The following PDE4D variants were observed in gnomAD, a reference collection of about 807,000 sequenced individuals.
The protein encoded by PDE4D is 3',5'-cyclic-AMP phosphodiesterase 4D.
A neutral mutation model predicts 87.4 loss-of-function variants in PDE4D; 24 were observed. That is an observed-to-expected ratio of 0.27 (90% CI 0.20 to 0.39). The LOEUF (loss-of-function observed/expected upper bound fraction) is 0.39. PDE4D is among the 10% of genes least tolerant of loss of function. The pLI is 1.00. For missense variants in PDE4D, 714 were observed against 1,041.0 expected (o/e 0.69, Z 4.32); for synonymous variants, 384 against 383.2 (o/e 1.00, Z -0.02).
chr5:59,356,442 A>G (rs1781385375), intron 1 of PDE4D, among the ~76,000 whole-genome samples: 1 of 152,128 alleles, frequency 6.6e-6, no homozygotes, highest in Non-Finnish European at 1.5e-5. Context: ...CTTCCCTAAC[A>G]TTTAGAGTTG....
chr5:59,123,340 A>G (rs367630942), intron 5 of PDE4D, among the ~76,000 whole-genome samples: 24 of 152,222 alleles, frequency 1.6e-4, no homozygotes, highest in Middle Eastern at 6.8e-3. Flanking sequence ...TTAATTTTCT[A>G]TCAGCAGACC....
chr5:59,583,335 C>G (rs373687286), intron 1 of PDE4D, among the ~76,000 whole-genome samples: 2 of 152,148 alleles, frequency 1.3e-5, no homozygotes, highest in East Asian at 3.8e-4. Flanking sequence ...TCCTAGAAAG[C>G]TGACTTGCAT....
chr5:60,008,557 C>A (rs1263248738), intron 2 of PDE4D, among the ~76,000 whole-genome samples: 1 of 152,024 alleles, frequency 6.6e-6, no homozygotes, highest in African/African-American at 2.4e-5. Flanking sequence ...TACACTACTT[C>A]TCAAAGTTCT....
At chr5:59,632,030 G>A (rs762859936) in intron 1 of PDE4D, among the ~76,000 whole-genome samples, 2 of 152,166 alleles carry the variant, frequency 1.3e-5, no homozygotes, top group Non-Finnish European at 2.9e-5. Context: ...GCCTGAAGTC[G>A]ACCTGGGATG....
At chr5:59,210,775 A>G (rs1019755172) in intron 2 of PDE4D, among the ~76,000 whole-genome samples, 2 of 152,206 alleles carry the variant, frequency 1.3e-5, no homozygotes, top group Non-Finnish European at 2.9e-5. Flanking sequence ...GTTGGTGTTA[A>G]TTTAACAGAG....
At chr5:59,426,559 G>T (rs1795243473) in intron 1 of PDE4D, among the ~76,000 whole-genome samples, 1 of 151,992 alleles carries the variant, frequency 6.6e-6, no homozygotes, top group Non-Finnish European at 1.5e-5. Context: ...GGCAGCAAGG[G>T]AAGGACCCTC....
intron 1 of PDE4D, among the ~76,000 whole-genome samples, chr5:59,649,928 T>TTTTTTTTTTTTTTTTTTTTTG (rs1344251960): frequency 7.2e-6 from 1 of 138,588 alleles, no homozygotes; most frequent in Non-Finnish European, 1.5e-5. Flanking sequence ...TTTTTTTTTT[T>TTTTTTTTTTTTTTTTTTTTTG]TTTTAGCAAT....
At position 58,999,961 on chromosome 5, in the gene PDE4D, GC is replaced by G. The variant is rs1375881407; in HGVS notation, c.922-6497del. On this transcript the variant is annotated intron_variant, in intron 6 of 14. Coordinates refer to ENST00000340635, the MANE Select transcript of PDE4D (RefSeq NM_001104631.2). ...GGGAAGCCGGGAAGAGTGACAAGAA[GC>G]CCCTCCCATAAAACCCCAACTCTGC... The G allele has an allele frequency of 5.2e-6, 5 of 964,534 alleles. No homozygotes were observed. In the African/African-American group the frequency reaches 8.8e-5, roughly 17 times the overall value. The allele number at this position is 964,534 out of a possible 1,614,324, so 59.7% of individuals were successfully genotyped here.
intron 1 of PDE4D, among the ~76,000 whole-genome samples, chr5:59,783,738 GGAACATTCCATGTAAA>G (rs1256051596): frequency 7.2e-5 from 11 of 152,160 alleles, no homozygotes; most frequent in Admixed American, 2.0e-4. Context: ...AATTGATCCT[GGAACATTCCATGTAAA>G]GAACATTCCA....
chr5:60,269,777 A>C (rs954971254), intron 1 of PDE4D, among the ~76,000 whole-genome samples: 4 of 152,230 alleles, frequency 2.6e-5, no homozygotes, highest in Admixed American at 6.5e-5. Flanking sequence ...ATCATTTCAC[A>C]ATGTATACAT....
chr5:59,497,595 C>T (rs1490111368), intron 1 of PDE4D, among the ~76,000 whole-genome samples: 2 of 151,868 alleles, frequency 1.3e-5, no homozygotes, highest in Non-Finnish European at 2.9e-5. Context: ...AATTTCAGGG[C>T]TCGAAGACTA....
chr5:60,333,911 G>T (rs1300471917), intron 1 of PDE4D, among the ~76,000 whole-genome samples: 2 of 152,052 alleles, frequency 1.3e-5, no homozygotes, highest in African/African-American at 4.8e-5. Context: ...AATACACAAC[G>T]GGTCAATATC....
At position 60,255,542 on chromosome 5, in the gene PDE4D, T is replaced by C. The variant is rs142990784; in HGVS notation, c.-89-69855A>G. The stretch of plus-strand genomic sequence containing the variant: ...TCCTAACTGCAGCTTACTAGCTATA[T>C]AACCTAGGGCAACTCACATCTTCTC... On this transcript the variant is annotated intron_variant, in intron 1 of 16. Transcript: ENST00000502484. Among the ~76,000 whole-genome samples the C allele has an allele frequency of 2.6e-3, 389 of 152,010 alleles. 2 individuals are homozygous for C. The highest frequency in any genetic ancestry group is 8.7e-3 in the African/African-American group (362 of 41,516).
At chr5:60,501,582 T>G (rs1298992299) in intron 1 of PDE4D, among the ~76,000 whole-genome samples, 1 of 151,610 alleles carries the variant, frequency 6.6e-6, no homozygotes, top group Non-Finnish European at 1.5e-5. Context: ...CCACACTGAC[T>G]TCCACAATGG....
chr5:60,276,140 A>T (rs989135308), intron 1 of PDE4D, among the ~76,000 whole-genome samples: 13 of 152,164 alleles, frequency 8.5e-5, no homozygotes, highest in African/African-American at 2.9e-4. Flanking sequence ...TGTTGATTAG[A>T]TCCAGTTGGT....
At chr5:59,077,093 T>C (rs934622979) in intron 5 of PDE4D, among the ~76,000 whole-genome samples, 1 of 152,172 alleles carries the variant, frequency 6.6e-6, no homozygotes, top group South Asian at 2.1e-4. Context: ...ATATGACAAT[T>C]GGTCAAGTTA....
At chr5:60,110,465 C>T (rs1777561388) in intron 2 of PDE4D, among the ~76,000 whole-genome samples, 1 of 151,778 alleles carries the variant, frequency 6.6e-6, no homozygotes, top group African/African-American at 2.4e-5. Flanking sequence ...ATTATCTCAC[C>T]CCAGTTAGAA....
rs554820918 is a variant in PDE4D at position 60,092,621 on chromosome 5, C to G, written c.42+92936G>C. ...GAGGGTACTAGGAATAAAGTTAGGA[C>G]TTCTGCACGCTAAAAAAAAAAAACA... On this transcript the variant is annotated intron_variant, in intron 2 of 16. Transcript: ENST00000502484. Among the ~76,000 whole-genome samples, 26 of 150,874 alleles carry G rather than the reference C, an allele frequency of 1.7e-4. No individual in the cohort carries two copies. In the East Asian group the frequency reaches 3.9e-3, roughly 23 times the overall value.
chr5:60,145,194 T>A (rs909666242), intron 2 of PDE4D, among the ~76,000 whole-genome samples: 1 of 152,232 alleles, frequency 6.6e-6, no homozygotes, highest in African/African-American at 2.4e-5. Flanking sequence ...CTTGTAATTG[T>A]ACCACTGAAA....
Sources: gnomAD v4.1 joint callset for allele counts (sites outside exome capture counted in the v4.1 genomes callset) on GRCh38, gnomAD v4.1.1 for gene constraint, MANE v1.5 for transcripts, NCBI Gene and HGNC (gene_info 2026-07-23, HGNC 2026-07-21) for gene names.